ABCA13: variants seen among roughly 807,000 people sequenced by gnomAD.
ABCA13 encodes ATP-binding cassette sub-family A member 13.
Under a neutral mutation model 478.7 loss-of-function variants are expected in ABCA13, and 476 were observed. The ratio of observed to expected loss-of-function variants is 0.99; its 90% CI spans 0.92 to 1.07. The LOEUF (loss-of-function observed/expected upper bound fraction) is 1.07. ABCA13 is among the 50% of genes least tolerant of loss of function. The pLI, the probability that ABCA13 is intolerant of heterozygous loss-of-function variation, is 0.00. For missense variants in ABCA13, 6,060 were observed against 5,910.6 expected (o/e 1.03, Z -0.83); for synonymous variants, 2,252 against 2,158.9 (o/e 1.04, Z -1.20).
chr7:48,470,234 G>A (rs938131788), intron 44 of ABCA13, among the ~76,000 whole-genome samples: 3 of 152,158 alleles, frequency 2.0e-5, no homozygotes, highest in Admixed American at 6.5e-5. Flanking sequence ...ACTTGTTGGA[G>A]GCTGAGAAGT....
chr7:48,269,255 G>A (rs1202158671), intron 16 of ABCA13, among the ~76,000 whole-genome samples, 161 bp downstream of exon 16: 1 of 152,164 alleles, frequency 6.6e-6, no homozygotes, highest in African/African-American at 2.4e-5. Flanking sequence ...CTTTAATAGA[G>A]TGTGTGACTC....
chr7:48,407,824 C>A (rs960015278), intron 39 of ABCA13, among the ~76,000 whole-genome samples: 4 of 151,958 alleles, frequency 2.6e-5, no homozygotes, highest in Admixed American at 6.6e-5. Flanking sequence ...CCCAATATAA[C>A]AACTATTTAA....
chr7:48,537,950 G>C (rs1210236619), intron 55 of ABCA13, among the ~76,000 whole-genome samples: 6 of 152,102 alleles, frequency 3.9e-5, no homozygotes, highest in Non-Finnish European at 7.4e-5. Flanking sequence ...TCATAGAACT[G>C]AACATACTGA....
chr7:48,502,829 C>T (rs2130828473), intron 48 of ABCA13, among the ~76,000 whole-genome samples: 1 of 152,272 alleles, frequency 6.6e-6, no homozygotes, highest in South Asian at 2.1e-4. Flanking sequence ...CAGCACATGG[C>T]TACAGGCTAA....
chr7:48,359,419 G>A (rs1438097615), intron 31 of ABCA13, among the ~76,000 whole-genome samples: 2 of 151,982 alleles, frequency 1.3e-5, no homozygotes, highest in African/African-American at 4.8e-5. Flanking sequence ...TGTGTTGTGC[G>A]GAAGGCAGCG....
intron 34 of ABCA13, among the ~76,000 whole-genome samples, chr7:48,376,233 C>T (rs1377572632): frequency 1.3e-5 from 2 of 152,168 alleles, no homozygotes; most frequent in Non-Finnish European, 1.5e-5. Context: ...AAGTAGTTAA[C>T]AATCCCCCCA....
chr7:48,344,610 T>C (rs572826214), intron 29 of ABCA13, among the ~76,000 whole-genome samples: 1 of 152,292 alleles, frequency 6.6e-6, no homozygotes, highest in South Asian at 2.1e-4. Flanking sequence ...TAGCCTGTGT[T>C]TCTTTACCAC....
chr7:48,350,692 T>C lies in ABCA13; in HGVS notation c.10254T>C (p.Arg3418=), dbSNP rs1025347747. The C allele has an allele frequency of 3.7e-6, 6 of 1,613,956 alleles. No individual in the cohort carries two copies. Among genetic ancestry groups the C allele is most frequent in the Non-Finnish European group, 5.1e-6 (6 of 1,179,854 alleles). The change falls in exon 30 of 62, where the codon CGT becomes CGC. Residue 3418 remains arginine (R), a synonymous_variant. Coordinates refer to ENST00000435803, the MANE Select transcript of ABCA13 (RefSeq NM_152701.5). ...ACCATGCAGGCGCTGGACGCTTCCG[T>C]TTCTTGGGCAGCATCTTGGTCAATC... The part of the protein sequence containing the change: ...MFNHAGAGRF[R]FLGSILVNLS...
chr7:48,471,893 A>G lies in ABCA13; in HGVS notation c.12975+294A>G, dbSNP rs566697820. Among the ~76,000 whole-genome samples the G allele has an allele frequency of 2.0e-5, 3 of 152,342 alleles. No individual in the cohort carries two copies. In the East Asian group the frequency reaches 5.8e-4, roughly 29 times the overall value. ...TTCTTCAAGTAATGATAAAGAAGCT[A>G]GAATTGCCCTAAGGAAGGAAATTTT... On this transcript the variant is annotated intron_variant, in intron 45 of 61. Transcript: ENST00000435803.
chr7:48,403,887 C>A lies in ABCA13; in HGVS notation c.12070+8C>A, dbSNP rs760531371. On this transcript the variant is annotated splice_region_variant and intron_variant, in intron 39 of 61. Coordinates refer to ENST00000435803, the MANE Select transcript of ABCA13 (RefSeq NM_152701.5). ...TGCTCAAGTACCGAGAAGGTAGGCA[C>A]TGGGCCTCATTCTGCCTTCTCTTCC... is the stretch of plus-strand genomic sequence containing the variant. 6.2e-7 allele frequency: 1 copy of A among 1,610,776 alleles called. No homozygotes were observed. The highest frequency in any genetic ancestry group is 2.2e-5 in the East Asian group (1 of 44,782).
At chr7:48,172,463 C>T (rs1794220817) in intron 1 of ABCA13, among the ~76,000 whole-genome samples, 1 of 152,106 alleles carries the variant, frequency 6.6e-6, no homozygotes, top group South Asian at 2.1e-4. Flanking sequence ...TTTATGTGAT[C>T]TTTAGGATCA....
chr7:48,466,198 A>G (rs371543885), intron 43 of ABCA13, among the ~76,000 whole-genome samples: 225 of 152,206 alleles, frequency 1.5e-3, no homozygotes, highest in African/African-American at 5.1e-3. Context: ...TTTTCTCTAC[A>G]TTTTCTCAAG....
intron 15 of ABCA13, among the ~76,000 whole-genome samples, chr7:48,259,586 A>G (rs1197287423): frequency 6.6e-6 from 1 of 151,948 alleles, no homozygotes; most frequent in Non-Finnish European, 1.5e-5. Flanking sequence ...GAGCATGCAT[A>G]GTTTTAGCCT....
chr7:48,644,589 C>CTTTTTTTTTTTTTT (rs71006572), intron 60 of ABCA13, 28 bp from the exon 61 acceptor site: 2 of 1,413,344 alleles, frequency 1.4e-6, no homozygotes, highest in Non-Finnish European at 1.9e-6. Flanking sequence ...TTATATGATA[C>CTTTTTTTTTTTTTT]TTTTTTTTTT....
chr7:48,274,746 A>G lies in ABCA13; in HGVS notation c.5080A>G (p.Lys1694Glu). 6.2e-7 allele frequency: 1 copy of G among 1,613,982 alleles called. No individual in the cohort carries two copies. Among genetic ancestry groups the G allele is most frequent in the East Asian group, 2.2e-5 (1 of 44,878 alleles). ...QVSVNLMDFFKNISSVGTGNL... is the reference protein window; with the variant it reads ...QVSVNLMDFFENISSVGTGNL... ...TAGTGTAAACCTAATGGATTTCTTT[A>G]AGAATATCAGTAGTGTGGGAACTGG... Residue 1694 changes from lysine to glutamate, a missense_variant, in exon 17 of 62, where the codon AAG becomes GAG. Coordinates refer to ENST00000435803, the MANE Select transcript of ABCA13 (RefSeq NM_152701.5).
chr7:48,636,252 G>C (rs1263114476), intron 59 of ABCA13, among the ~76,000 whole-genome samples: 3 of 152,186 alleles, frequency 2.0e-5, no homozygotes, highest in African/African-American at 7.2e-5. Flanking sequence ...TAGCACAACT[G>C]TTCACAAAGC....
chr7:48,262,621 T>C (rs1220788160), intron 15 of ABCA13, among the ~76,000 whole-genome samples: 1 of 152,002 alleles, frequency 6.6e-6, no homozygotes, highest in Non-Finnish European at 1.5e-5. Context: ...TTTTATATTA[T>C]CTACTCTCAT....
chr7:48,505,425 G>T (rs771935299), intron 48 of ABCA13, among the ~76,000 whole-genome samples: 2 of 152,048 alleles, frequency 1.3e-5, no homozygotes, highest in Non-Finnish European at 2.9e-5. Flanking sequence ...AGATAATACC[G>T]ATAAGATGAA....
intron 55 of ABCA13, among the ~76,000 whole-genome samples, chr7:48,571,994 G>A (rs1391277026): frequency 2.0e-5 from 3 of 152,024 alleles, no homozygotes; most frequent in African/African-American, 7.2e-5. Context: ...CCTGCCCAAC[G>A]TGGCAAAACC....
Sources: gnomAD v4.1 joint callset for allele counts (sites outside exome capture counted in the v4.1 genomes callset) on GRCh38, gnomAD v4.1.1 for gene constraint, MANE v1.5 for transcripts, NCBI Gene and HGNC (gene_info 2026-07-23, HGNC 2026-07-21) for gene names.